The following USP36 variants were observed in gnomAD, a reference collection of about 807,000 sequenced individuals.
USP36 encodes ubiquitin carboxyl-terminal hydrolase 36.
Under a neutral mutation model 111.5 loss-of-function variants are expected in USP36, and 59 were observed. The observed-to-expected ratio is 0.53, with a 90% CI of 0.43 to 0.66. USP36 has a LOEUF of 0.66. Ranked by LOEUF, USP36 falls within the 30% of genes least tolerant of loss-of-function variation. The probability of loss-of-function intolerance (pLI) is 0.00; values close to 1 mark genes in which losing one functional copy is unlikely to be tolerated. For synonymous variants in USP36, 628 were observed against 581.0 expected, an observed-to-expected ratio of 1.08 and a Z score of -1.16; for missense variants, 1,488 against 1,468.0, an observed-to-expected ratio of 1.01 and a Z score of -0.22.
chr17:78,827,450 T>G (rs1199893917), intron 5 of USP36, 103 bp from the exon 6 acceptor site: 1 of 1,066,732 alleles, frequency 9.4e-7, no homozygotes, highest in East Asian at 2.6e-5. Flanking sequence ...AAGGGGAAAA[T>G]ACTGCAACTT....
rs2093636758 is a variant in USP36 at position 78,796,841 on chromosome 17, C to T, written c.*1059G>A. On this transcript the variant is annotated 3_prime_UTR_variant, in exon 21 of 21. Transcript: ENST00000449938. ...TGTTCACGGTCACCTTCACACTTCC[C>T]ACTACTATGAGGGCATTTGTCTTTT... The T allele has an allele frequency of 6.6e-6, 1 of 152,270 alleles. No homozygotes were observed. Among genetic ancestry groups the T allele is most frequent in the African/African-American group, 2.4e-5 (1 of 41,458 alleles). The allele number at this position is 152,270 out of a possible 1,614,324, so 9.4% of individuals were successfully genotyped here. A position where few individuals can be genotyped will look rare whatever the true frequency, so the allele number is the denominator to read the frequency against.
rs2093827374 is a variant in USP36, at chr17:78,804,076, A to C, written c.2217-98T>G. ...TCACTCCCCTCCCTTTCACCTAAAA[A>C]TCTGAAAAGGCTTTTACCCTGTAGT... On this transcript the variant is annotated intron_variant, in intron 15 of 20. Transcript: ENST00000449938. The C allele has an allele frequency of 4.5e-6, 4 of 881,056 alleles. No individual in the cohort carries two copies. In the South Asian group the frequency reaches 6.9e-5, roughly 15 times the overall value. The allele number at this position is 881,056 out of a possible 1,614,324, so 54.6% of individuals were successfully genotyped here.
intron 13 of USP36, among the ~76,000 whole-genome samples, chr17:78,808,614 G>A (rs1000610389): frequency 3.9e-5 from 6 of 152,024 alleles, no homozygotes; most frequent in Non-Finnish European, 8.8e-5. Flanking sequence ...TTAACTGTAT[G>A]GTTAATTTAT....
At chr17:78,791,918 GTC>G (rs1434089805), downstream of USP36, 1 of 151,856 alleles carries the variant, frequency 6.6e-6, no homozygotes, top group Non-Finnish European at 1.5e-5. Context: ...CTCTTTCAGT[GTC>G]TACAGTAGAG....
downstream of USP36, among the ~76,000 whole-genome samples, chr17:78,794,384 G>C (rs549104792): frequency 1.2e-4 from 19 of 152,316 alleles, no homozygotes; most frequent in African/African-American, 4.3e-4. Context: ...TTAGCCAGCT[G>C]AGTCCTGCTG....
At chr17:78,828,580 T>C (rs986856213) in intron 5 of USP36, among the ~76,000 whole-genome samples, 2 of 152,210 alleles carry the variant, frequency 1.3e-5, no homozygotes, top group African/African-American at 4.8e-5. Flanking sequence ...CTGCTATTCC[T>C]TGAGTCTGCA....
Position 78,797,383 on chromosome 17 carries a change from G to C in USP36, c.*517C>G, listed in dbSNP as rs2093645188. 6.6e-6 allele frequency: 1 copy of C among 152,320 alleles called. No individual in the cohort carries two copies. Among genetic ancestry groups the C allele is most frequent in the Admixed American group, 6.5e-5 (1 of 15,286 alleles). The allele number at this position is 152,320 out of a possible 1,614,324, so 9.4% of individuals were successfully genotyped here. A position where few individuals can be genotyped will look rare whatever the true frequency, so the allele number is the denominator to read the frequency against. On this transcript the variant is annotated 3_prime_UTR_variant, in exon 21 of 21. Transcript: ENST00000449938. ...GGTCACCTCTTCCTTTCTGAGGACAGGTAAGGCCAACAGATGAAGGGGTCC... is the reference window on the plus strand; with the variant it reads ...GGTCACCTCTTCCTTTCTGAGGACACGTAAGGCCAACAGATGAAGGGGTCC...
intron 3 of USP36, among the ~76,000 whole-genome samples, chr17:78,790,251 G>A (rs1293512322): frequency 1.3e-5 from 2 of 151,788 alleles, no homozygotes; most frequent in African/African-American, 2.4e-5. Flanking sequence ...CACCACGCCT[G>A]GCTAATTTTT....
At position 78,803,939 on chromosome 17, in the gene USP36, T is replaced by A; in HGVS notation, c.2256A>T (p.Gln752His). The A allele has an allele frequency of 6.3e-7, 1 of 1,581,860 alleles. No homozygotes were observed. The highest frequency in any genetic ancestry group is 8.6e-7 in the Non-Finnish European group (1 of 1,163,626). Reference protein sequence around the residue: ...SPAPQSSSRLQPPFSPHPTLL... With the variant: ...SPAPQSSSRLHPPFSPHPTLL... ...ATGTGGGGTGGGGGCTGAAGGGGGG[T>A]TGCAGGCGGCTGGATGATTGGGGAG... is the stretch of plus-strand genomic sequence containing the variant. Residue 752 changes from glutamine to histidine, a missense_variant, in exon 16 of 21, where the codon CAA becomes CAT. Gln to His is a conservative substitution (Grantham distance 24, BLOSUM62 0). This residue lies in a region of USP36 where 1,073 missense variants were observed against 994.1 expected (regional missense o/e 1.08). Coordinates refer to ENST00000449938, the MANE Select transcript of USP36 (RefSeq NM_001385174.1). The surrounding 1 kb of genome is among the most constrained non-coding windows in gnomAD (Gnocchi z 4.6).
At chr17:78,820,134 A>C in intron 8 of USP36, 122 bp from the exon 9 acceptor site, 1 of 1,015,518 alleles carries the variant, frequency 9.8e-7, no homozygotes, top group Non-Finnish European at 1.4e-6. Context: ...GACTCGCATA[A>C]AAATTTGCCC....
chr17:78,816,621 G>A (rs1159395136), intron 10 of USP36, among the ~76,000 whole-genome samples: 1 of 150,466 alleles, frequency 6.6e-6, no homozygotes, highest in African/African-American at 2.4e-5. Context: ...GTAAGACTCC[G>A]TCTCAAAAAA....
At chr17:78,815,896 A>G (rs1361665318) in intron 10 of USP36, among the ~76,000 whole-genome samples, 4 of 152,178 alleles carry the variant, frequency 2.6e-5, no homozygotes, top group Non-Finnish European at 5.9e-5. Context: ...CACAACACAT[A>G]CATGCACGCA....
At chr17:78,806,032 C>T in intron 15 of USP36, 124 bp downstream of exon 15, 1 of 1,529,594 alleles carries the variant, frequency 6.5e-7, no homozygotes, top group East Asian at 2.3e-5. Context: ...CCTGTACCTC[C>T]TGGCTGCCCC....
downstream of USP36, among the ~76,000 whole-genome samples, chr17:78,793,927 C>T (rs553547917): frequency 1.4e-4 from 21 of 152,278 alleles, no homozygotes; most frequent in African/African-American, 3.6e-4. Flanking sequence ...GATGCCAACA[C>T]GTCCACTAAG....
chr17:78,823,150 T>C (rs1446311475), intron 6 of USP36: 1 of 398,766 alleles, frequency 2.5e-6, no homozygotes, highest in Non-Finnish European at 4.4e-6. Flanking sequence ...CTGAAATACT[T>C]GGGGGACCAA....
chr17:78,823,156 A>G, intron 6 of USP36: 1 of 398,720 alleles, frequency 2.5e-6, no homozygotes, highest in Non-Finnish European at 4.4e-6. Flanking sequence ...TACTTGGGGG[A>G]CCAATACAGG....
In USP36 at chr17:78,798,845, G is replaced by A. The variant is rs879455872; in HGVS notation, c.3240+63C>T. On this transcript the variant is annotated intron_variant, in intron 19 of 20. Transcript: ENST00000449938. This position sits in a 1 kb window ranked among gnomAD's most constrained non-coding sequence, Gnocchi z 5.1. ...CACTGCCGCCACCTCCAACTGCCCC[G>A]GCTCTGAGCTGAGCCACGCCGCCCT... is the stretch of plus-strand genomic sequence containing the variant. 6.2e-5 allele frequency: 99 copies of A among 1,584,928 alleles called. No individual in the cohort carries two copies. Among genetic ancestry groups the A allele is most frequent in the South Asian group, 8.9e-5 (8 of 90,178 alleles).
At chr17:78,833,422 C>A (rs113156875) in intron 4 of USP36, among the ~76,000 whole-genome samples, 2 of 152,050 alleles carry the variant, frequency 1.3e-5, no homozygotes, top group South Asian at 4.1e-4. Flanking sequence ...GCTGGGATTA[C>A]AGGTGTGAGC....
upstream of USP36, chr17:78,841,218 C>G (rs866213206): frequency 6.6e-6 from 1 of 152,280 alleles, no homozygotes; most frequent in African/African-American, 2.4e-5. Context: ...CAACAGCCCT[C>G]CCGCGCTGTC....
Sources: allele counts gnomAD v4.1 joint callset (sites outside exome capture counted in the v4.1 genomes callset), GRCh38; gene constraint gnomAD v4.1.1; regional missense constraint gnomAD v4.1.1; non-coding constraint Gnocchi (gnomAD v3.1); transcripts MANE v1.5; gene names NCBI Gene and HGNC (gene_info 2026-07-23, HGNC 2026-07-21).